MDH1: variants seen among roughly 807,000 people sequenced by gnomAD.
MDH1 encodes malate dehydrogenase, cytoplasmic.
Under a neutral mutation model 38.7 loss-of-function variants are expected in MDH1, and 15 were observed. The observed-to-expected ratio is 0.39, with a 90% CI of 0.26 to 0.60. The LOEUF is 0.60. Ranked by LOEUF, MDH1 falls within the 20% of genes least tolerant of loss-of-function variation. The probability of loss-of-function intolerance (pLI) is 0.56; values close to 1 mark genes in which losing one functional copy is unlikely to be tolerated. For synonymous variants in MDH1, 144 were observed against 143.6 expected (o/e 1.00, Z -0.02); for missense variants, 368 against 405.2 (o/e 0.91, Z 0.79).
chr2:63,602,356 T>G (rs944783956), intron 5 of MDH1, among the ~76,000 whole-genome samples: 12 of 147,794 alleles, frequency 8.1e-5, no homozygotes, highest in South Asian at 2.1e-4. Flanking sequence ...GGTTTTTTTT[T>G]TTTTTTTTTT....
chr2:63,589,505 C>T, intron 1 of MDH1: 1 of 909,448 alleles, frequency 1.1e-6, no homozygotes, highest in Admixed American at 2.1e-5. Context: ...GTAGTATTTA[C>T]CAGGTGCTCC....
chr2:63,593,987 T>TA lies in MDH1; in HGVS notation c.4-495dup, dbSNP rs558763378. 1.1e-3 allele frequency among the ~76,000 whole-genome samples: 161 copies of TA among 152,276 alleles called. 1 individual carries two copies. The highest frequency in any genetic ancestry group is 3.8e-3 in the African/African-American group (159 of 41,578). ...CATGTTGCTGTTGTTTCTCCCGAAATAAAAAATCTTGTTTTTCCTCCTCCA... is the reference window on the plus strand; with the variant it reads ...CATGTTGCTGTTGTTTCTCCCGAAATAAAAAAATCTTGTTTTTCCTCCTCCA... On this transcript the variant is annotated intron_variant, in intron 1 of 8. Transcript: ENST00000233114.
intron 6 of MDH1, 140 bp downstream of exon 6, chr2:63,605,012 C>A: frequency 1.2e-6 from 1 of 804,146 alleles, no homozygotes; most frequent in Non-Finnish European, 1.9e-6. Flanking sequence ...GTAAGCCAGT[C>A]ATGATCTAGT....
At chr2:63,594,996 T>G in intron 2 of MDH1, 1 of 266,714 alleles carries the variant, frequency 3.7e-6, no homozygotes, top group Non-Finnish European at 7.2e-6. Context: ...CAAGCCTGAT[T>G]AATATACACT....
chr2:63,597,430 C>A lies in MDH1; in HGVS notation c.231C>A (p.Ala77=). The change falls in exon 4 of 9, where the codon GCC becomes GCA. Residue 77 remains alanine (A), a synonymous_variant. Transcript: ENST00000233114. ...TCGCAACAGATAAAGAAGACGTTGC[C>A]TTCAAAGACCTGGATGTGGCCATTC... is the stretch of plus-strand genomic sequence containing the variant. ...DVIATDKEDV[A]FKDLDVAILV... 1 of 1,452,646 alleles carries A rather than the reference C, an allele frequency of 6.9e-7. No individual in the cohort carries two copies. The highest frequency in any genetic ancestry group is 9.2e-7 in the Non-Finnish European group (1 of 1,091,336). 90.0% of individuals were successfully genotyped at this position (1,452,646 alleles called of 1,614,324 possible). A position where few individuals can be genotyped will look rare whatever the true frequency, so the allele number is the denominator to read the frequency against.
Position 63,606,842 on chromosome 2 carries a change from T to C in MDH1, c.880-20T>C. 2 of 1,586,364 alleles carry C rather than the reference T, an allele frequency of 1.3e-6. No homozygotes were observed. Among genetic ancestry groups the C allele is most frequent in the Non-Finnish European group, 1.7e-6 (2 of 1,166,590 alleles). On this transcript the variant is annotated intron_variant, in intron 8 of 8. Coordinates refer to ENST00000233114, the MANE Select transcript of MDH1 (RefSeq NM_005917.4). ...GATCAGTTCCAGTTTAAATCTCTTA[T>C]TTGCATTATTTTCAAACAGAATAAG... is the stretch of plus-strand genomic sequence containing the variant.
chr2:63,589,016 G>T lies in MDH1; in HGVS notation c.-28G>T. ...ACTCTCTGAGGCTCATTTTGCAGTT[G>T]TTGAAATTGTCCCCGCAGTTTTCAA... On this transcript the variant is annotated 5_prime_UTR_variant, in exon 1 of 9. Coordinates refer to ENST00000233114, the MANE Select transcript of MDH1 (RefSeq NM_005917.4). 1 of 1,614,230 alleles carries T rather than the reference G, an allele frequency of 6.2e-7. No individual in the cohort carries two copies.
chr2:63,601,049 A>G (rs967323308), intron 5 of MDH1, among the ~76,000 whole-genome samples: 2 of 152,230 alleles, frequency 1.3e-5, no homozygotes, highest in African/African-American at 2.4e-5. Flanking sequence ...TTCTCACTGC[A>G]GGGCTCAAGT....
Position 63,594,523 on chromosome 2 carries a change from T to C in MDH1, c.39T>C (p.Ala13=), listed in dbSNP as rs781426519. Residue 13 remains alanine, a synonymous_variant, in exon 2 of 9, where the codon GCT becomes GCC. Transcript: ENST00000233114. ...EPIRVLVTGA[A]GQIAYSLLYS... is the part of the protein sequence containing the mutation. ...TCAGAGTCCTTGTGACTGGAGCAGC[T>C]GGTCAAATTGCATATTCACTGCTGT... The C allele has an allele frequency of 3.1e-6, 5 of 1,613,968 alleles. No individual in the cohort carries two copies. The highest frequency in any genetic ancestry group is 4.2e-6 in the Non-Finnish European group (5 of 1,179,866).
chr2:63,602,147 CAT>C, intron 5 of MDH1, among the ~76,000 whole-genome samples: 1 of 152,278 alleles, frequency 6.6e-6, no homozygotes, highest in East Asian at 1.9e-4. Flanking sequence ...ATATCACAAA[CAT>C]AAATTTTTAA....
chr2:63,605,885 G>A, intron 7 of MDH1, 54 bp from the exon 8 acceptor site: 2 of 1,385,076 alleles, frequency 1.4e-6, no homozygotes, highest in Non-Finnish European at 2.1e-6. Context: ...ATTAGTTCAT[G>A]TGTCAGTTGT....
At chr2:63,590,393 A>C (rs901175808) in intron 1 of MDH1, 11 of 152,080 alleles carry the variant, frequency 7.2e-5, no homozygotes, top group African/African-American at 2.7e-4. Flanking sequence ...CTGAATTTTT[A>C]TTTTTATAGG....
At chr2:63,594,940 G>C in intron 2 of MDH1, 1 of 256,822 alleles carries the variant, frequency 3.9e-6, no homozygotes, top group South Asian at 4.8e-5. Context: ...AACCAAAAGA[G>C]TAAGGAAATC....
chr2:63,590,769 G>C (rs1709182507), intron 1 of MDH1: 1 of 152,120 alleles, frequency 6.6e-6, no homozygotes, highest in African/African-American at 2.4e-5. Flanking sequence ...CAGAACATGA[G>C]GAAGAATTTG....
At chr2:63,593,490 G>A (rs1709241434) in intron 1 of MDH1, 1 of 464,058 alleles carries the variant, frequency 2.2e-6, no homozygotes, top group African/African-American at 2.0e-5. Flanking sequence ...AGTGTCAGAA[G>A]CTTGAAAGAA....
At chr2:63,593,432 T>A in intron 1 of MDH1, 1 of 385,938 alleles carries the variant, frequency 2.6e-6, no homozygotes, top group East Asian at 7.3e-5. Flanking sequence ...TTCTTTGACT[T>A]CTATGAGTGA....
At chr2:63,598,346 C>A (rs1030169889) in intron 4 of MDH1, among the ~76,000 whole-genome samples, 1 of 152,080 alleles carries the variant, frequency 6.6e-6, no homozygotes, top group Non-Finnish European at 1.5e-5. Context: ...CCAGGCTGGT[C>A]TCGAACTCCT....
intron 1 of MDH1, chr2:63,594,285 CTT>C (rs766971420): frequency 1.5e-6 from 1 of 675,006 alleles, no homozygotes; most frequent in Middle Eastern, 2.5e-4. Context: ...CAGGATAACA[CTT>C]TTAGCTCCCT....
chr2:63,594,578 A>G lies in MDH1; in HGVS notation c.94A>G (p.Lys32Glu). 1 of 1,610,204 alleles carries G rather than the reference A, an allele frequency of 6.2e-7. No homozygotes were observed. Among genetic ancestry groups the G allele is most frequent in the Non-Finnish European group, 8.5e-7 (1 of 1,176,648 alleles). ...YSIGNGSVFG[K>E]DQPIILVLLD... ...TATTGGAAATGGATCTGTCTTTGGTAAAGATCAGGTAGGAACAGGTGTCTA... is the reference window on the plus strand; with the variant it reads ...TATTGGAAATGGATCTGTCTTTGGTGAAGATCAGGTAGGAACAGGTGTCTA... Residue 32 changes from lysine to glutamate, a missense_variant, in exon 2 of 9, where the codon AAA becomes GAA. Transcript: ENST00000233114.
Sources: allele counts gnomAD v4.1 joint callset (sites outside exome capture counted in the v4.1 genomes callset), GRCh38; gene constraint gnomAD v4.1.1; transcripts MANE v1.5; gene names NCBI Gene and HGNC (gene_info 2026-07-23, HGNC 2026-07-21).